The following NRF1 variants were observed in gnomAD, a reference collection of about 807,000 sequenced individuals.
NRF1 encodes the protein alpha palindromic-binding protein.
A neutral mutation model predicts 58.5 loss-of-function variants in NRF1; 5 were observed. That is an observed-to-expected ratio of 0.09 (90% CI 0.04 to 0.18). The LOEUF is 0.18. Ranked by LOEUF, NRF1 falls within the 10% of genes least tolerant of loss-of-function variation. NRF1 has a pLI of 1.00. For synonymous variants in NRF1, 224 were observed against 246.7 expected, an observed-to-expected ratio of 0.91 and a Z score of 0.86; for missense variants, 288 against 657.7, an observed-to-expected ratio of 0.44 and a Z score of 6.15.
chr7:129,706,848 G>C (rs1403054628), intron 5 of NRF1, among the ~76,000 whole-genome samples: 1 of 152,184 alleles, frequency 6.6e-6, no homozygotes, highest in Admixed American at 6.5e-5. Context: ...AGGGAATATA[G>C]AGGGTTCCAG....
chr7:129,752,644 G>A lies in NRF1; in HGVS notation c.1349-2374G>A, dbSNP rs560664677. Among the ~76,000 whole-genome samples the A allele has an allele frequency of 5.9e-5, 9 of 152,174 alleles. No homozygotes were observed. In the South Asian group the frequency reaches 1.5e-3, roughly 25 times the overall value. On this transcript the variant is annotated intron_variant, in intron 10 of 10. Coordinates refer to ENST00000393232, the MANE Select transcript of NRF1 (RefSeq NM_005011.5). ...AGGCAGGAGGATCACTTGAGCTCAG[G>A]AGTTCAAGACCAACCTGGGCAACAT...
chr7:129,652,882 G>A (rs1419909468), intron 1 of NRF1, among the ~76,000 whole-genome samples: 2 of 152,172 alleles, frequency 1.3e-5, no homozygotes, highest in Non-Finnish European at 2.9e-5. Flanking sequence ...GTGAGCCACC[G>A]CGCCCGGCCA....
chr7:129,749,933 T>G (rs1804073182), intron 10 of NRF1, among the ~76,000 whole-genome samples: 1 of 152,168 alleles, frequency 6.6e-6, no homozygotes, highest in Non-Finnish European at 1.5e-5. Context: ...TCTGAAATAC[T>G]AAAGTCTTCA....
At chr7:129,671,739 AT>A (rs1449868841) in intron 3 of NRF1, among the ~76,000 whole-genome samples, 196 bp downstream of exon 3, 36 of 152,262 alleles carry the variant, frequency 2.4e-4, no homozygotes, top group African/African-American at 8.4e-4. Flanking sequence ...GTAATATCAC[AT>A]TAATTCATTC....
intron 1 of NRF1, among the ~76,000 whole-genome samples, chr7:129,652,405 C>T (rs1296554165): frequency 6.6e-6 from 1 of 152,060 alleles, no homozygotes; most frequent in Non-Finnish European, 1.5e-5. Context: ...CTCAGCTTTT[C>T]AATATACATC....
chr7:129,686,019 T>C (rs2151090587), intron 4 of NRF1, among the ~76,000 whole-genome samples: 1 of 150,742 alleles, frequency 6.6e-6, no homozygotes, highest in East Asian at 2.0e-4. Context: ...GGAGAATCTC[T>C]TGAACCCAGG....
At position 129,657,444 on chromosome 7, in the gene NRF1, T is replaced by A; in HGVS notation, c.93T>A (p.Thr31=). 6.2e-7 allele frequency: 1 copy of A among 1,614,072 alleles called. No homozygotes were observed. The highest frequency in any genetic ancestry group is 8.5e-7 in the Non-Finnish European group (1 of 1,180,016). The change falls in exon 2 of 11, where the codon ACT becomes ACA. Residue 31 remains threonine, a synonymous_variant. Coordinates refer to ENST00000393232, the MANE Select transcript of NRF1 (RefSeq NM_005011.5). ...AAGTGCAGCAGGTCCATGTGGCTAC[T>A]TACACCGAGCATAGTATGCTGAGTG... The part of the protein sequence containing the change: ...AQQVQQVHVA[T]YTEHSMLSAD...
At position 129,671,302 on chromosome 7, in the gene NRF1, G is replaced by A. The variant is rs1251894462; in HGVS notation, c.224-127G>A. 8.4e-6 allele frequency: 5 copies of A among 597,108 alleles called. No homozygotes were observed. In the African/African-American group the frequency reaches 9.3e-5, roughly 11 times the overall value. The allele number at this position is 597,108 out of a possible 1,614,324, so 37.0% of individuals were successfully genotyped here. A position where few individuals can be genotyped will look rare whatever the true frequency, so the allele number is the denominator to read the frequency against. ...TAGTGAAGTATATTGATAATATCAG[G>A]ATCATTCTTTATTTACCGACAACAA... On this transcript the variant is annotated intron_variant, in intron 2 of 10. Transcript: ENST00000393232.
intron 5 of NRF1, among the ~76,000 whole-genome samples, chr7:129,699,219 T>C (rs1239735606): frequency 6.6e-6 from 1 of 152,224 alleles, no homozygotes; most frequent in Non-Finnish European, 1.5e-5. Context: ...GAAGGAGTTA[T>C]TCACACGGCT....
At chr7:129,637,713 G>A (rs1052801412) in intron 1 of NRF1, among the ~76,000 whole-genome samples, 3 of 151,710 alleles carry the variant, frequency 2.0e-5, no homozygotes, top group Admixed American at 6.6e-5. Context: ...GGATTTTTTT[G>A]TGTGTCAATA....
At chr7:129,657,607 ATTTTTTTTTT>A in intron 2 of NRF1, 33 bp downstream of exon 2, 1 of 1,000,250 alleles carries the variant, frequency 1.0e-6, no homozygotes, top group African/African-American at 1.8e-5. Flanking sequence ...CTCTTCTTTA[ATTTTTTTTTT>A]TTTTTTTTTG....
At chr7:129,680,745 T>G (rs1172726558) in intron 4 of NRF1, among the ~76,000 whole-genome samples, 1 of 152,230 alleles carries the variant, frequency 6.6e-6, no homozygotes, top group Non-Finnish European at 1.5e-5. Flanking sequence ...CCAGGATAGA[T>G]AAATCTTATT....
chr7:129,753,746 C>T (rs1804179322), intron 10 of NRF1, among the ~76,000 whole-genome samples: 2 of 151,680 alleles, frequency 1.3e-5, no homozygotes, highest in African/African-American at 4.8e-5. Context: ...TAAGTTGACC[C>T]CAAAATGTGT....
rs1803849355 is a variant in NRF1, at chr7:129,741,683, T to C, written c.1349-13335T>C. ...TTCAGGTTCTTGGGTAAAGGGGACT[T>C]TCCTCTTTTTATTTATGCTTCCATT... On this transcript the variant is annotated intron_variant, in intron 10 of 10. Coordinates refer to ENST00000393232, the MANE Select transcript of NRF1 (RefSeq NM_005011.5). This position sits in a 1 kb window ranked among gnomAD's most constrained non-coding sequence, Gnocchi z 4.0. Among the ~76,000 whole-genome samples, 1 of 152,112 alleles carries C rather than the reference T, an allele frequency of 6.6e-6. No individual in the cohort carries two copies. The highest frequency in any genetic ancestry group is 2.4e-5 in the African/African-American group (1 of 41,406).
chr7:129,660,549 C>T (rs1173913953), intron 2 of NRF1, among the ~76,000 whole-genome samples: 1 of 150,878 alleles, frequency 6.6e-6, no homozygotes, highest in Non-Finnish European at 1.5e-5. Context: ...AAAAGGGCTA[C>T]AGGCCCCATG....
chr7:129,650,694 C>T (rs767281422), intron 1 of NRF1, among the ~76,000 whole-genome samples: 8 of 151,946 alleles, frequency 5.3e-5, no homozygotes, highest in Non-Finnish European at 1.0e-4. Context: ...CTCATTTAAT[C>T]CTCATATCAT....
Position 129,728,650 on chromosome 7 carries a change from G to A in NRF1, c.1348+1285G>A, listed in dbSNP as rs114397613. Among the ~76,000 whole-genome samples, 621 of 152,272 alleles carry A rather than the reference G, an allele frequency of 4.1e-3. 3 individuals carry two copies. Among genetic ancestry groups the A allele is most frequent in the African/African-American group, 0.014 (590 of 41,550 alleles). On this transcript the variant is annotated intron_variant, in intron 10 of 10. Transcript: ENST00000393232. ...TCTGTTAGTTGGAAAAGTCTTTGAA[G>A]AAAGACATAGTGCTGTGTCCTCCTT...
chr7:129,752,372 T>TG (rs202219486), intron 10 of NRF1, among the ~76,000 whole-genome samples: 6,207 of 85,012 alleles, frequency 0.073, 140 homozygotes, highest in Middle Eastern at 0.19. Flanking sequence ...AGTCTGGGGG[T>TG]GGGGGGCACC....
At chr7:129,661,375 C>T (rs551778229) in intron 2 of NRF1, among the ~76,000 whole-genome samples, 2 of 151,424 alleles carry the variant, frequency 1.3e-5, no homozygotes, top group East Asian at 3.9e-4. Flanking sequence ...ATTTTCTTTT[C>T]TGTTGCATTA....
Sources: gnomAD v4.1 joint callset for allele counts (sites outside exome capture counted in the v4.1 genomes callset) on GRCh38, gnomAD v4.1.1 for gene constraint, Gnocchi (gnomAD v3.1) non-coding constraint, MANE v1.5 for transcripts, NCBI Gene and HGNC (gene_info 2026-07-23, HGNC 2026-07-21) for gene names.